Variants in ZZZ3 observed in about 807,000 individuals in gnomAD.
ZZZ3 encodes zinc finger ZZ-type containing 3.
Under a neutral mutation model 95.2 loss-of-function variants are expected in ZZZ3, and 22 were observed. That is an observed-to-expected ratio of 0.23 (90% CI 0.17 to 0.33). The LOEUF (loss-of-function observed/expected upper bound fraction) is 0.33. Ranked by LOEUF, ZZZ3 falls within the 10% of genes least tolerant of loss-of-function variation. The pLI is 1.00. For synonymous variants in ZZZ3, 335 were observed against 358.9 expected (o/e 0.93, Z 0.75); for missense variants, 885 against 1,066.5 (o/e 0.83, Z 2.37).
At chr1:77,655,776 C>T (rs911817033) in intron 1 of ZZZ3, among the ~76,000 whole-genome samples, 9 of 152,140 alleles carry the variant, frequency 5.9e-5, no homozygotes, top group Non-Finnish European at 1.3e-4. Flanking sequence ...CAGACAAACA[C>T]CCTGGACTTT....
intron 1 of ZZZ3, among the ~76,000 whole-genome samples, chr1:77,664,518 A>G (rs1444568436): frequency 2.0e-5 from 3 of 152,238 alleles, no homozygotes; most frequent in Admixed American, 6.5e-5. Flanking sequence ...TAGTACATAC[A>G]GTGCCTTAAC....
In ZZZ3 at chr1:77,632,508, C is replaced by T; in HGVS notation, c.847G>A (p.Val283Ile). Residue 283 changes from valine to isoleucine, a missense_variant, in exon 5 of 15, where the codon GTA (valine) becomes ATA (isoleucine). Physicochemically the swap from Val to Ile is conservative, Grantham distance 29. This residue lies in a region of ZZZ3 where 556 missense variants were observed against 652.9 expected (regional missense o/e 0.85). Transcript: ENST00000370801. ...VQVKLEDHKI[V>I]TACLPVEHVN... The stretch of plus-strand genomic sequence containing the variant: ...TGTTCCACAGGCAAGCAGGCAGTTA[C>T]TATTTTGTGGTCCTCCAACTTGACC... The T allele has an allele frequency of 6.2e-7, 1 of 1,614,180 alleles. No individual in the cohort carries two copies. The highest frequency in any genetic ancestry group is 8.5e-7 in the Non-Finnish European group (1 of 1,180,034).
At chr1:77,609,216 C>CA (rs1665536172) in intron 5 of ZZZ3, among the ~76,000 whole-genome samples, 2 of 151,676 alleles carry the variant, frequency 1.3e-5, no homozygotes, top group South Asian at 2.1e-4. Context: ...CAATGGAAAC[C>CA]AAAAAAGAGC....
intron 1 of ZZZ3, among the ~76,000 whole-genome samples, chr1:77,677,829 T>C (rs922564198): frequency 1.3e-5 from 2 of 152,020 alleles, no homozygotes; most frequent in Admixed American, 6.6e-5. Flanking sequence ...CACAAATACA[T>C]AAAAAATATA....
At chr1:77,661,980 C>CT (rs397861463) in intron 1 of ZZZ3, among the ~76,000 whole-genome samples, 49,511 of 134,884 alleles carry the variant, frequency 0.37, 10,014 homozygotes, top group African/African-American at 0.56. Flanking sequence ...TGATGCCTGG[C>CT]TTTTTTTTTT....
chr1:77,596,094 A>T (rs1664188742), intron 5 of ZZZ3, among the ~76,000 whole-genome samples: 1 of 152,086 alleles, frequency 6.6e-6, no homozygotes, highest in African/African-American at 2.4e-5. Context: ...TGAATTCCCT[A>T]GAACTAGATA....
intron 5 of ZZZ3, among the ~76,000 whole-genome samples, chr1:77,592,199 C>T (rs1437724994): frequency 1.3e-5 from 2 of 152,316 alleles, no homozygotes; most frequent in African/African-American, 2.4e-5. Flanking sequence ...TCCCTCCCAC[C>T]TCCAACCCTG....
intron 1 of ZZZ3, among the ~76,000 whole-genome samples, chr1:77,670,934 C>G (rs1193240895): frequency 6.6e-6 from 1 of 151,600 alleles, no homozygotes; most frequent in Non-Finnish European, 1.5e-5. Context: ...ATCCCAGCTA[C>G]CCAAGAAGCA....
intron 1 of ZZZ3, among the ~76,000 whole-genome samples, chr1:77,677,754 G>A (rs1672397911): frequency 6.6e-6 from 1 of 152,152 alleles, no homozygotes. Flanking sequence ...GATGCATTGT[G>A]AGAATGGGAA....
intron 5 of ZZZ3, among the ~76,000 whole-genome samples, chr1:77,627,746 C>T (rs1294390878): frequency 6.6e-6 from 1 of 152,126 alleles, no homozygotes; most frequent in Non-Finnish European, 1.5e-5. Context: ...TATCTAGAAA[C>T]TTAAGAACTG....
At chr1:77,595,317 G>A (rs888567004) in intron 5 of ZZZ3, among the ~76,000 whole-genome samples, 1 of 152,056 alleles carries the variant, frequency 6.6e-6, no homozygotes, top group Admixed American at 6.5e-5. Context: ...TAGCCATGAT[G>A]AATGCATAAG....
At chr1:77,658,094 G>A (rs754084783) in intron 1 of ZZZ3, among the ~76,000 whole-genome samples, 8 of 148,396 alleles carry the variant, frequency 5.4e-5, no homozygotes, top group African/African-American at 1.7e-4. Flanking sequence ...CAGGAGAATC[G>A]CTTGAATGCA....
At chr1:77,653,271 T>C (rs980267218) in intron 1 of ZZZ3, among the ~76,000 whole-genome samples, 11 of 152,150 alleles carry the variant, frequency 7.2e-5, no homozygotes, top group African/African-American at 2.4e-4. Flanking sequence ...TTGCAGAGAC[T>C]GTGGGAGGGA....
chr1:77,636,523 G>C (rs1668309259), intron 4 of ZZZ3, among the ~76,000 whole-genome samples: 1 of 151,612 alleles, frequency 6.6e-6, no homozygotes, highest in Non-Finnish European at 1.5e-5. Flanking sequence ...GACCAAACTG[G>C]GCAACATGGC....
Position 77,639,549 on chromosome 1 carries a change from T to C in ZZZ3, c.-152A>G. The C allele has an allele frequency of 3.5e-6, 4 of 1,152,516 alleles. No individual in the cohort carries two copies. The highest frequency in any genetic ancestry group is 4.7e-6 in the Non-Finnish European group (4 of 851,362). 71.4% of individuals were successfully genotyped at this position (1,152,516 alleles called of 1,614,324 possible). A position where few individuals can be genotyped will look rare whatever the true frequency, so the allele number is the denominator to read the frequency against. ...CTAGAATGGAGCTTAAGCATCAGGGTTTCAGACTCTCTCAGCTTCAGCCAT... is the reference window on the plus strand; with the variant it reads ...CTAGAATGGAGCTTAAGCATCAGGGCTTCAGACTCTCTCAGCTTCAGCCAT... On this transcript the variant is annotated 5_prime_UTR_variant, in exon 4 of 15. Transcript: ENST00000370801.
chr1:77,598,580 G>T (rs1664433974), intron 5 of ZZZ3, among the ~76,000 whole-genome samples: 1 of 152,108 alleles, frequency 6.6e-6, no homozygotes, highest in Admixed American at 6.6e-5. Context: ...TGCACCAGTT[G>T]AAATATCACA....
At chr1:77,566,235 T>A (rs898984316) in intron 13 of ZZZ3, 54 bp from the exon 14 acceptor site, 8 of 1,316,166 alleles carry the variant, frequency 6.1e-6, no homozygotes, top group Non-Finnish European at 8.5e-6. Context: ...CACGATCTTT[T>A]TTATTTTCCA....
At chr1:77,634,181 A>G (rs897702419) in intron 4 of ZZZ3, among the ~76,000 whole-genome samples, 4 of 151,976 alleles carry the variant, frequency 2.6e-5, no homozygotes, top group Non-Finnish European at 5.9e-5. Context: ...AAAATAAATA[A>G]ATAAATAAAT....
intron 6 of ZZZ3, among the ~76,000 whole-genome samples, chr1:77,582,831 C>T (rs571856893): frequency 4.1e-4 from 63 of 152,070 alleles, no homozygotes; most frequent in South Asian, 1.7e-3. Context: ...CTAGGCTGAG[C>T]GCAGTGGCTC....
Sources: gnomAD v4.1 joint callset for allele counts (sites outside exome capture counted in the v4.1 genomes callset) on GRCh38, gnomAD v4.1.1 for gene constraint, gnomAD v4.1.1 regional missense constraint, MANE v1.5 for transcripts, NCBI Gene and HGNC (gene_info 2026-07-23, HGNC 2026-07-21) for gene names.